GLIS3: variants seen among roughly 807,000 people sequenced by gnomAD.
GLIS3 encodes GLIS family zinc finger 3.
A neutral mutation model predicts 78.6 loss-of-function variants in GLIS3; 53 were observed. The observed-to-expected ratio is 0.67, with a 90% CI of 0.54 to 0.85. The LOEUF (loss-of-function observed/expected upper bound fraction) is 0.85. Among genes scored for constraint, GLIS3 ranks in the 40% least tolerant of loss-of-function variants. The pLI is 0.00. For missense variants in GLIS3, 1,703 were observed against 1,231.1 expected (o/e 1.38, Z -5.74); for synonymous variants, 684 against 509.9 (o/e 1.34, Z -4.60).
At chr9:4,461,749 C>G in the GLIS3 span, among the ~76,000 whole-genome samples, 1 of 152,176 alleles carries the variant, frequency 6.6e-6, no homozygotes, top group Admixed American at 6.5e-5. Flanking sequence ...CCAATATCAG[C>G]AGCCATGTCC....
the GLIS3 span, among the ~76,000 whole-genome samples, chr9:4,463,460 A>G: frequency 6.6e-6 from 1 of 152,120 alleles, no homozygotes; most frequent in Non-Finnish European, 1.5e-5. Context: ...AGGCCCTGAA[A>G]ATATGCTATT....
At chr9:4,344,557 C>T (rs1817876084) in intron 2 of GLIS3, among the ~76,000 whole-genome samples, 1 of 152,190 alleles carries the variant, frequency 6.6e-6, no homozygotes, top group Non-Finnish European at 1.5e-5. Flanking sequence ...CTCGCTCACT[C>T]CCTGGGTGTT....
chr9:4,264,302 C>T (rs1158516110), intron 2 of GLIS3, among the ~76,000 whole-genome samples: 1 of 152,144 alleles, frequency 6.6e-6, no homozygotes, highest in Admixed American at 6.5e-5. Flanking sequence ...AATCTAAACC[C>T]ACCACCACCA....
intron 2 of GLIS3, among the ~76,000 whole-genome samples, chr9:4,271,184 G>A (rs770175159): frequency 2.6e-5 from 4 of 152,002 alleles, no homozygotes; most frequent in East Asian, 3.8e-4. Context: ...TAGAAACGGG[G>A]GCAGGAAGTA....
At chr9:4,343,679 G>A (rs938338742) in intron 2 of GLIS3, among the ~76,000 whole-genome samples, 1 of 152,154 alleles carries the variant, frequency 6.6e-6, no homozygotes, top group Non-Finnish European at 1.5e-5. Flanking sequence ...CCCACCAACG[G>A]TGGACCGGAT....
chr9:4,029,118 T>C (rs1823597466), intron 4 of GLIS3, among the ~76,000 whole-genome samples: 1 of 152,108 alleles, frequency 6.6e-6, no homozygotes, highest in Non-Finnish European at 1.5e-5. Context: ...AAACCAGTAA[T>C]TTCCTCCAAA....
At chr9:4,196,482 T>A (rs774159857) in intron 2 of GLIS3, among the ~76,000 whole-genome samples, 1 of 152,236 alleles carries the variant, frequency 6.6e-6, no homozygotes, top group Non-Finnish European at 1.5e-5. Context: ...CCGCACTGCC[T>A]TTATGAGCTG....
chr9:3,970,651 A>C (rs1020841521), intron 4 of GLIS3, among the ~76,000 whole-genome samples: 1 of 152,198 alleles, frequency 6.6e-6, no homozygotes, highest in South Asian at 2.1e-4. Context: ...GAGAAGCCCT[A>C]TCCTATAGCA....
At chr9:4,260,650 G>A (rs1825434239) in intron 2 of GLIS3, among the ~76,000 whole-genome samples, 2 of 151,976 alleles carry the variant, frequency 1.3e-5, no homozygotes, top group African/African-American at 2.4e-5. Context: ...GGAGGCTGAG[G>A]CACAAGAATC....
At chr9:4,218,215 C>G (rs186650521) in intron 2 of GLIS3, among the ~76,000 whole-genome samples, 104 of 152,326 alleles carry the variant, frequency 6.8e-4, no homozygotes, top group Admixed American at 2.2e-3. Context: ...TTTAACAAAT[C>G]TATCCCAAAT....
Position 4,298,520 on chromosome 9 carries a change from C to G in GLIS3, c.-99+901G>C, listed in dbSNP as rs1054264214. The G allele has an allele frequency of 1.7e-5, 7 of 404,244 alleles. No homozygotes were observed. In the East Asian group the frequency reaches 5.4e-4, roughly 31 times the overall value. The allele number at this position is 404,244 out of a possible 1,614,324, so 25.0% of individuals were successfully genotyped here. Reference sequence around the variant, plus strand: ...CTGTCGCTCGGGGCAAGGTGTGTGTCTAGGAGAGAGCCGGCGGCTCACTCA... The same window carrying G: ...CTGTCGCTCGGGGCAAGGTGTGTGTGTAGGAGAGAGCCGGCGGCTCACTCA... On this transcript the variant is annotated intron_variant, in intron 1 of 10. Transcript: ENST00000381971.
intron 6 of GLIS3, among the ~76,000 whole-genome samples, chr9:3,931,929 C>T (rs1416039058): frequency 2.0e-5 from 3 of 152,170 alleles, no homozygotes; most frequent in South Asian, 2.1e-4. Context: ...TAGAGCTTCA[C>T]GATATTGGCC....
intron 2 of GLIS3, among the ~76,000 whole-genome samples, chr9:4,197,136 G>A (rs985653658): frequency 1.3e-5 from 2 of 152,146 alleles, no homozygotes; most frequent in African/African-American, 2.4e-5. Flanking sequence ...ATAGATTGTG[G>A]TGCAGTGGGG....
chr9:4,119,509 C>T (rs997920990), intron 3 of GLIS3, among the ~76,000 whole-genome samples: 1 of 152,126 alleles, frequency 6.6e-6, no homozygotes, highest in Admixed American at 6.5e-5. Context: ...TACATCAAAT[C>T]ACCCCAGAAA....
chr9:4,177,838 G>T (rs1279618530), intron 2 of GLIS3, among the ~76,000 whole-genome samples: 1 of 152,162 alleles, frequency 6.6e-6, no homozygotes, highest in Non-Finnish European at 1.5e-5. Context: ...CTATGCGACA[G>T]AAAGATAGTA....
chr9:4,449,113 C>T, the GLIS3 span, among the ~76,000 whole-genome samples: 1 of 152,168 alleles, frequency 6.6e-6, no homozygotes, highest in Non-Finnish European at 1.5e-5. Flanking sequence ...GACACTCCCA[C>T]CCAAATACTG....
In GLIS3 at chr9:4,068,697, G is replaced by C. The variant is rs144712404; in HGVS notation, c.1710+49071C>G. On this transcript the variant is annotated intron_variant, in intron 4 of 10. Coordinates refer to ENST00000381971, the MANE Select transcript of GLIS3 (RefSeq NM_001042413.2). ...GTCAGTCAACATGTACATACAAATGGCCTCAGAAGACCAAGTAAGGAGACA... is the reference window on the plus strand; with the variant it reads ...GTCAGTCAACATGTACATACAAATGCCCTCAGAAGACCAAGTAAGGAGACA... 4.1e-3 allele frequency among the ~76,000 whole-genome samples: 618 copies of C among 152,184 alleles called. 4 individuals carry two copies. Among genetic ancestry groups the C allele is most frequent in the African/African-American group, 0.014 (586 of 41,538 alleles).
the GLIS3 span, among the ~76,000 whole-genome samples, chr9:4,483,219 A>AG: frequency 0.66 from 100,021 of 151,926 alleles, 34,223 homozygotes; most frequent in African/African-American, 0.86. Flanking sequence ...GAAATGCCGT[A>AG]AATTGGTTGC....
chr9:3,975,606 C>T (rs1363553555), intron 4 of GLIS3, among the ~76,000 whole-genome samples: 1 of 150,290 alleles, frequency 6.7e-6, no homozygotes, highest in Non-Finnish European at 1.5e-5. Flanking sequence ...CTTATAGGTG[C>T]TTACTTTTAA....
Sources: gnomAD v4.1 joint callset for allele counts (sites outside exome capture counted in the v4.1 genomes callset) on GRCh38, gnomAD v4.1.1 for gene constraint, MANE v1.5 for transcripts, NCBI Gene and HGNC (gene_info 2026-07-23, HGNC 2026-07-21) for gene names.